VRK2: variants seen among roughly 807,000 people sequenced by gnomAD.
VRK2 encodes serine/threonine-protein kinase VRK2.
In VRK2, 60 loss-of-function variants were observed where a neutral mutation model predicts 57.6. The observed-to-expected ratio is 1.04, with a 90% CI of 0.85 to 1.29. The LOEUF is 1.29. VRK2 is among the 50% of genes most tolerant of loss of function. The pLI, the probability that VRK2 is intolerant of heterozygous loss-of-function variation, is 0.00. For synonymous variants in VRK2, 231 were observed against 199.2 expected (o/e 1.16, Z -1.35); for missense variants, 705 against 588.1 (o/e 1.20, Z -2.06).
At chr2:57,943,793 T>C (rs1671171771) in intron 1 of VRK2, among the ~76,000 whole-genome samples, 3 of 152,174 alleles carry the variant, frequency 2.0e-5, no homozygotes, top group Admixed American at 1.3e-4. Context: ...GAAATAATAA[T>C]GTTCTACATG....
At chr2:58,138,990 G>C (rs751687106) in intron 10 of VRK2, among the ~76,000 whole-genome samples, 2 of 152,038 alleles carry the variant, frequency 1.3e-5, no homozygotes, top group East Asian at 3.8e-4. Context: ...TTTGGGGAAA[G>C]GGGGTTTACT....
At chr2:57,960,842 A>G (rs1671735772) in intron 1 of VRK2, among the ~76,000 whole-genome samples, 1 of 152,256 alleles carries the variant, frequency 6.6e-6, no homozygotes, top group Non-Finnish European at 1.5e-5. Flanking sequence ...AACAGGGTAA[A>G]AACAAACATA....
chr2:58,058,637 A>G, intron 2 of VRK2: 1 of 199,780 alleles, frequency 5.0e-6, no homozygotes, highest in Non-Finnish European at 1.1e-5. Flanking sequence ...TGTCTGTAGT[A>G]TCTGATAAAT....
chr2:58,132,563 C>T (rs577380318), intron 9 of VRK2, among the ~76,000 whole-genome samples: 1 of 152,056 alleles, frequency 6.6e-6, no homozygotes, highest in Non-Finnish European at 1.5e-5. Context: ...ACTGATCAGG[C>T]CTAAGAAAAA....
chr2:58,151,818 A>G (rs1256534529), intron 12 of VRK2, among the ~76,000 whole-genome samples: 4 of 130,074 alleles, frequency 3.1e-5, no homozygotes, highest in African/African-American at 1.2e-4. Context: ...CTATGGGCCA[A>G]ATTCAGCCAA....
intron 2 of VRK2, among the ~76,000 whole-genome samples, chr2:58,063,706 G>A (rs1391260974): frequency 6.6e-6 from 1 of 152,032 alleles, no homozygotes; most frequent in Non-Finnish European, 1.5e-5. Context: ...ATGGATCAAA[G>A]GAGTGACTTT....
chr2:58,141,342 GATT>G (rs1299011845), intron 11 of VRK2, among the ~76,000 whole-genome samples: 1 of 151,856 alleles, frequency 6.6e-6, no homozygotes, highest in Non-Finnish European at 1.5e-5. Context: ...ATAAAATTCT[GATT>G]ATTATCCACC....
intron 12 of VRK2, among the ~76,000 whole-genome samples, chr2:58,151,545 A>C (rs2104687387): frequency 6.6e-6 from 1 of 151,574 alleles, no homozygotes; most frequent in South Asian, 2.1e-4. Flanking sequence ...TATTTGCTCC[A>C]TATCTATTTC....
chr2:58,119,559 A>T (rs1368927552), intron 7 of VRK2, among the ~76,000 whole-genome samples: 1 of 151,164 alleles, frequency 6.6e-6, no homozygotes, highest in Non-Finnish European at 1.5e-5. Context: ...AGGTCAAATT[A>T]ATTTGTCAAC....
rs749327993 is a variant in VRK2, at chr2:58,146,273, CA to C, written c.1024-39del. On this transcript the variant is annotated intron_variant, in intron 11 of 12. Coordinates refer to ENST00000340157, the MANE Select transcript of VRK2 (RefSeq NM_006296.7). Reference sequence around the variant, plus strand: ...ATATATGCATTTTTTAGAGAAATACCAAAAGTTTTCATTATATATTATTACT... The same window carrying C: ...ATATATGCATTTTTTAGAGAAATACCAAAGTTTTCATTATATATTATTACT... 4.0e-6 allele frequency: 6 copies of C among 1,496,524 alleles called. No homozygotes were observed. The Admixed American group carries it at 1.4e-4, about 34-fold the overall frequency. 92.7% of individuals were successfully genotyped at this position (1,496,524 alleles called of 1,614,324 possible).
In VRK2 at chr2:57,928,491, T is replaced by C. The variant is rs373153507; in HGVS notation, c.-439+20652T>C. ...TCCTCAAAACAACTATTTTGAATTC[T>C]GTTGGAAAGGTCATATATCTCTGTC... On this transcript the variant is annotated intron_variant, in intron 1 of 15. Coordinates refer to the VRK2 transcript ENST00000417641. Among the ~76,000 whole-genome samples the C allele has an allele frequency of 3.5e-4, 53 of 152,276 alleles. 1 individual carries two copies. In the South Asian group the frequency reaches 0.01, roughly 30 times the overall value.
chr2:57,979,333 T>C (rs567723560), intron 1 of VRK2, among the ~76,000 whole-genome samples: 13 of 151,316 alleles, frequency 8.6e-5, no homozygotes, highest in African/African-American at 3.2e-4. Context: ...GTCTATTGTT[T>C]CCTGACTTTT....
chr2:58,074,998 T>C (rs1260326685), intron 2 of VRK2, among the ~76,000 whole-genome samples: 1 of 152,106 alleles, frequency 6.6e-6, no homozygotes, highest in Non-Finnish European at 1.5e-5. Context: ...TTTTGTCACC[T>C]AGGTAATCAG....
intron 12 of VRK2, among the ~76,000 whole-genome samples, chr2:58,154,547 A>G (rs1573439919): frequency 1.3e-5 from 2 of 152,048 alleles, no homozygotes; most frequent in Admixed American, 6.6e-5. Context: ...TTAGTATTAT[A>G]AATTTCCCTT....
At chr2:57,993,424 A>G (rs980172416) in intron 1 of VRK2, among the ~76,000 whole-genome samples, 1 of 152,032 alleles carries the variant, frequency 6.6e-6, no homozygotes, top group African/African-American at 2.4e-5. Flanking sequence ...GTGCTAAGCA[A>G]TGGGTAGCTC....
In VRK2 at chr2:57,945,886, T is replaced by C. The variant is rs144704935; in HGVS notation, c.-439+38047T>C. Reference sequence around the variant, plus strand: ...TAAGTAAGACATGTAAATAGTGATCTGACAAAGTGATACAAGTTATTATAA... The same window carrying C: ...TAAGTAAGACATGTAAATAGTGATCCGACAAAGTGATACAAGTTATTATAA... On this transcript the variant is annotated intron_variant, in intron 1 of 15. Coordinates refer to the VRK2 transcript ENST00000417641. 2.0e-5 allele frequency among the ~76,000 whole-genome samples: 3 copies of C among 152,312 alleles called. No individual in the cohort carries two copies. The East Asian group carries it at 5.8e-4, about 29-fold the overall frequency.
Position 58,159,832 on chromosome 2 carries a change from T to A in VRK2, c.*139T>A. 2 of 1,610,536 alleles carry A rather than the reference T, an allele frequency of 1.2e-6. No individual in the cohort carries two copies. Among genetic ancestry groups the A allele is most frequent in the Non-Finnish European group, 1.7e-6 (2 of 1,178,790 alleles). On this transcript the variant is annotated 3_prime_UTR_variant, in exon 13 of 13. Coordinates refer to ENST00000340157, the MANE Select transcript of VRK2 (RefSeq NM_006296.7). ...AAAGAGAACATATTTTAACAAAGTTTGTGGACACTCTAAAAAATAAAATTG... is the reference window on the plus strand; with the variant it reads ...AAAGAGAACATATTTTAACAAAGTTAGTGGACACTCTAAAAAATAAAATTG...
rs375476869 is a variant in VRK2, at chr2:57,908,461, A to G, written c.-439+622A>G. ...GAATCTTGCAGTGTTTTAACATAAA[A>G]CATGATGAAGAAGTATTTGATGAGT... On this transcript the variant is annotated intron_variant, in intron 1 of 15. Transcript: ENST00000417641. 3.9e-5 allele frequency among the ~76,000 whole-genome samples: 6 copies of G among 152,290 alleles called. No homozygotes were observed. In the East Asian group the frequency reaches 1.2e-3, roughly 29 times the overall value.
intron 1 of VRK2, among the ~76,000 whole-genome samples, chr2:57,980,061 TTTC>T (rs1369240102): frequency 3.9e-5 from 6 of 152,164 alleles, no homozygotes; most frequent in Non-Finnish European, 8.8e-5. Context: ...ATTTTGGTTA[TTTC>T]TTTTCTGCTA....
Sources: gnomAD v4.1 joint callset for allele counts (sites outside exome capture counted in the v4.1 genomes callset) on GRCh38, gnomAD v4.1.1 for gene constraint, MANE v1.5 for transcripts, NCBI Gene and HGNC (gene_info 2026-07-23, HGNC 2026-07-21) for gene names.